SYMPK: variants seen among roughly 807,000 people sequenced by gnomAD.
The protein encoded by SYMPK is symplekin.
SYMPK carries 49 observed loss-of-function variants against 136.4 expected under a neutral mutation model. That is an observed-to-expected ratio of 0.36 (90% CI 0.29 to 0.46). The LOEUF is 0.46. Ranked by LOEUF, SYMPK falls within the 20% of genes least tolerant of loss-of-function variation. The pLI, the probability that SYMPK is intolerant of heterozygous loss-of-function variation, is 1.00. For synonymous variants in SYMPK, 766 were observed against 713.0 expected (o/e 1.07, Z -1.19); for missense variants, 1,365 against 1,690.0 (o/e 0.81, Z 3.37).
rs1474820344 is a variant in SYMPK, at chr19:45,824,255, C to A, written c.2491-380G>T. The A allele has an allele frequency of 1.8e-5, 4 of 221,652 alleles. No individual in the cohort carries two copies. The South Asian group carries it at 2.3e-4, about 13-fold the overall frequency. 13.7% of individuals were successfully genotyped at this position (221,652 alleles called of 1,614,324 possible). A position where few individuals can be genotyped will look rare whatever the true frequency, so the allele number is the denominator to read the frequency against. ...CAGGCGCAGCTGGCTTGGCTGCGAG[C>A]CCAGACCAGGCTCCACCTGCTGCTG... is the stretch of plus-strand genomic sequence containing the variant. On this transcript the variant is annotated intron_variant, in intron 18 of 26. Coordinates refer to ENST00000245934, the MANE Select transcript of SYMPK (RefSeq NM_004819.3).
intron 1 of SYMPK, among the ~76,000 whole-genome samples, chr19:45,857,707 G>A (rs1971864320): frequency 1.3e-5 from 2 of 151,704 alleles, no homozygotes; most frequent in South Asian, 4.1e-4. Flanking sequence ...TAGCCAGGAT[G>A]GTCTCGATCT....
rs564564258 is a variant in SYMPK, at chr19:45,821,367, G to A, written c.2893+17C>T. 18 of 1,604,406 alleles carry A rather than the reference G, an allele frequency of 1.1e-5. No individual in the cohort carries two copies. The East Asian group carries it at 2.7e-4, about 24-fold the overall frequency. On this transcript the variant is annotated intron_variant, in intron 22 of 26. Coordinates refer to ENST00000245934, the MANE Select transcript of SYMPK (RefSeq NM_004819.3). The surrounding 1 kb of genome is among the most constrained non-coding windows in gnomAD (Gnocchi z 4.4). The stretch of plus-strand genomic sequence containing the variant: ...TCGCAGGGGCCAGGCCACTGGAGTG[G>A]GGGGGAAGCGCCTCACCTTTGATGA...
At chr19:45,837,869 AGAG>A (rs1315093716) in intron 10 of SYMPK, among the ~76,000 whole-genome samples, 1 of 151,962 alleles carries the variant, frequency 6.6e-6, no homozygotes, top group African/African-American at 2.4e-5. Context: ...AGGGGCCTGG[AGAG>A]GAGCGTGGGG....
intron 1 of SYMPK, 72 bp from the exon 2 acceptor site, chr19:45,854,579 C>G (rs1038373860): frequency 2.3e-5 from 29 of 1,270,370 alleles, no homozygotes; most frequent in Middle Eastern, 2.0e-4. Context: ...GATTGTCACC[C>G]GAACACCTAC....
chr19:45,844,632 G>A (rs1441145901), intron 7 of SYMPK, among the ~76,000 whole-genome samples: 6 of 151,546 alleles, frequency 4.0e-5, no homozygotes, highest in African/African-American at 1.2e-4. Flanking sequence ...CCGAGATCGC[G>A]CCACTGCACT....
chr19:45,854,063 GCA>G, intron 3 of SYMPK, 110 bp downstream of exon 3: 4 of 1,018,874 alleles, frequency 3.9e-6, no homozygotes, highest in Non-Finnish European at 6.2e-6. Context: ...ACTGTGGCCG[GCA>G]CACACTGAGT....
At chr19:45,854,574 T>C in intron 1 of SYMPK, 67 bp from the exon 2 acceptor site, 1 of 1,335,368 alleles carries the variant, frequency 7.5e-7, no homozygotes, top group East Asian at 2.4e-5. Flanking sequence ...GGCTGGATTG[T>C]CACCCGAACA....
chr19:45,816,899 T>G lies in SYMPK; in HGVS notation c.3157A>C (p.Ile1053Leu). 6.4e-7 allele frequency: 1 copy of G among 1,553,984 alleles called. No homozygotes were observed. The highest frequency in any genetic ancestry group is 2.4e-5 in the East Asian group (1 of 41,446). ...AGCTGCTGGGGCGGCAGCTGCAGGA[T>G]GACCTGGAAGCTCTGGGGCTTTGTG... ...QRTKPQSFQV[I>L]LQLPPQQLGA... The change falls in exon 24 of 27, where the codon ATC becomes CTC. Residue 1053 changes from isoleucine to leucine, a missense_variant. Ile to Leu is a conservative substitution (Grantham distance 5). Around this residue, in one of 11 missense-constraint regions of SYMPK, gnomAD observed 156 missense variants for 217.8 expected, o/e 0.72. Transcript: ENST00000245934.
rs1307842194 is a variant in SYMPK at position 45,830,165 on chromosome 19, G to A, written c.1638C>T (p.Leu546=). 2.5e-6 allele frequency: 4 copies of A among 1,609,186 alleles called. No individual in the cohort carries two copies. Among genetic ancestry groups the A allele is most frequent in the Non-Finnish European group, 3.4e-6 (4 of 1,177,542 alleles). Residue 546 remains leucine (L), a synonymous_variant, in exon 13 of 27, where the codon CTC becomes CTT. Coordinates refer to ENST00000245934, the MANE Select transcript of SYMPK (RefSeq NM_004819.3). ...CGGTAAGGGGCTTCAGCACGTCGCT[G>A]AGACGGAAAATTTTCTTGCGCCCAC... The part of the protein sequence containing the change: ...GAGGRKKIFR[L]SDVLKPLTDA...
intron 22 of SYMPK, chr19:45,820,908 G>T: frequency 1.7e-6 from 1 of 573,196 alleles, no homozygotes; most frequent in South Asian, 2.2e-5. Context: ...TGCTCAGTGA[G>T]TGGGGGCCAT....
chr19:45,822,625 G>A, intron 21 of SYMPK, 131 bp downstream of exon 21: 1 of 703,288 alleles, frequency 1.4e-6, no homozygotes, highest in Non-Finnish European at 2.5e-6. Flanking sequence ...ACATGGAGAT[G>A]TCCAGTACAG....
intron 5 of SYMPK, among the ~76,000 whole-genome samples, chr19:45,849,176 T>C (rs559915105): frequency 6.6e-6 from 1 of 152,278 alleles, no homozygotes; most frequent in African/African-American, 2.4e-5. Flanking sequence ...TTTAGAATAA[T>C]AGTATCTATC....
In SYMPK at chr19:45,852,324, A is replaced by G; in HGVS notation, c.287T>C (p.Ile96Thr). 6.2e-7 allele frequency: 1 copy of G among 1,614,230 alleles called. No individual in the cohort carries two copies. The highest frequency in any genetic ancestry group is 8.5e-7 in the Non-Finnish European group (1 of 1,180,034). Residue 96 changes from isoleucine (I) to threonine (T), a missense_variant, in exon 5 of 27, where the codon ATC becomes ACC. Coordinates refer to ENST00000245934, the MANE Select transcript of SYMPK (RefSeq NM_004819.3). Reference protein sequence around the residue: ...IEVRKFVIGFIEEACKRDIEL... With the variant: ...IEVRKFVIGFTEEACKRDIEL... ...CCTCGCCCCATACCATGCCTCCTCG[A>G]TGAAGCCGATGACAAATTTTCGCAC...
intron 5 of SYMPK, among the ~76,000 whole-genome samples, chr19:45,851,465 T>A (rs936755036): frequency 2.4e-4 from 36 of 151,366 alleles, no homozygotes; most frequent in African/African-American, 8.5e-4. Flanking sequence ...TAATCCCAGC[T>A]ATTCAAGGAG....
chr19:45,851,616 G>A (rs1451221770), intron 5 of SYMPK, among the ~76,000 whole-genome samples: 1 of 150,418 alleles, frequency 6.6e-6, no homozygotes, highest in African/African-American at 2.4e-5. Context: ...ACTCACACCT[G>A]TAATCCCAAC....
intron 24 of SYMPK, 84 bp downstream of exon 24, chr19:45,816,714 C>A: frequency 3.4e-6 from 5 of 1,487,568 alleles, no homozygotes; most frequent in Non-Finnish European, 4.5e-6. Flanking sequence ...TCCATCCAGT[C>A]CCCACCAACC....
Position 45,854,380 on chromosome 19 carries a change from G to T in SYMPK, c.105+11C>A. ...TGCTTCCTCACTCCAAGCCCTACCC[G>T]CCACGCTCACCCTCTCTGAGGTGGT... On this transcript the variant is annotated intron_variant, in intron 2 of 26. Coordinates refer to ENST00000245934, the MANE Select transcript of SYMPK (RefSeq NM_004819.3). 6.2e-7 allele frequency: 1 copy of T among 1,613,094 alleles called. No homozygotes were observed. Among genetic ancestry groups the T allele is most frequent in the East Asian group, 2.2e-5 (1 of 44,868 alleles).
At chr19:45,850,544 C>A (rs1050788334) in intron 5 of SYMPK, among the ~76,000 whole-genome samples, 2 of 152,184 alleles carry the variant, frequency 1.3e-5, no homozygotes, top group East Asian at 3.8e-4. Context: ...GAGCCTGTTT[C>A]CCTTTCTGTA....
At chr19:45,847,141 C>T (rs543965584) in intron 7 of SYMPK, among the ~76,000 whole-genome samples, 6 of 151,886 alleles carry the variant, frequency 4.0e-5, no homozygotes, top group South Asian at 4.2e-4. Context: ...TAAAACTGCC[C>T]GGCGCGGTGG....
Sources: allele counts gnomAD v4.1 joint callset (sites outside exome capture counted in the v4.1 genomes callset), GRCh38; gene constraint gnomAD v4.1.1; regional missense constraint gnomAD v4.1.1; non-coding constraint Gnocchi (gnomAD v3.1); transcripts MANE v1.5; gene names NCBI Gene and HGNC (gene_info 2026-07-23, HGNC 2026-07-21).